Variants in HDLBP observed in about 807,000 individuals in gnomAD.
HDLBP encodes the protein high density lipoprotein binding protein.
In HDLBP, 30 loss-of-function variants were observed where a neutral mutation model predicts 137.3. The ratio of observed to expected loss-of-function variants is 0.22; its 90% CI spans 0.16 to 0.30. The LOEUF (loss-of-function observed/expected upper bound fraction) is 0.30, where lower values mean the gene tolerates loss of function less well. Among genes scored for constraint, HDLBP ranks in the 10% least tolerant of loss-of-function variants. HDLBP has a pLI of 1.00. For synonymous variants in HDLBP, 606 were observed against 596.0 expected (o/e 1.02, Z -0.24); for missense variants, 1,119 against 1,667.3 (o/e 0.67, Z 5.73).
At chr2:241,288,309 C>T (rs773194962) in intron 1 of HDLBP, among the ~76,000 whole-genome samples, 7 of 152,136 alleles carry the variant, frequency 4.6e-5, no homozygotes, top group Non-Finnish European at 8.8e-5. Context: ...CTATTCAAGC[C>T]TTGGAAACTG....
chr2:241,256,890 C>T (rs2072661179), intron 5 of HDLBP, 84 bp from the exon 6 acceptor site: 3 of 1,186,364 alleles, frequency 2.5e-6, no homozygotes, highest in South Asian at 2.6e-5. Context: ...CTGGCAGAAA[C>T]ACCATCTTTG....
At chr2:241,300,357 C>T (rs1019869250) in intron 1 of HDLBP, among the ~76,000 whole-genome samples, 3 of 152,092 alleles carry the variant, frequency 2.0e-5, no homozygotes, top group Non-Finnish European at 4.4e-5. Flanking sequence ...GAGTAACCCA[C>T]GACATGTAAC....
At chr2:241,293,527 G>A (rs751041608) in intron 1 of HDLBP, among the ~76,000 whole-genome samples, 11 of 151,466 alleles carry the variant, frequency 7.3e-5, no homozygotes, top group Non-Finnish European at 1.5e-4. Flanking sequence ...CAGGAAGATC[G>A]CCTGAGCCCA....
intron 5 of HDLBP, 126 bp downstream of exon 5, chr2:241,262,585 C>T: frequency 1.5e-6 from 1 of 674,686 alleles, no homozygotes; most frequent in Non-Finnish European, 2.6e-6. Flanking sequence ...TGTTGCTGTC[C>T]TACCTCCAAA....
At chr2:241,309,194 C>T (rs2075684576) in intron 1 of HDLBP, among the ~76,000 whole-genome samples, 1 of 152,150 alleles carries the variant, frequency 6.6e-6, no homozygotes, top group Non-Finnish European at 1.5e-5. Flanking sequence ...CTTTATTTTC[C>T]TCCTTTCTTC....
At chr2:241,242,367 A>C (rs1414314467) in intron 17 of HDLBP, 93 bp downstream of exon 17, 1 of 1,056,054 alleles carries the variant, frequency 9.5e-7, no homozygotes, top group Non-Finnish European at 1.4e-6. Context: ...GCCACAAAGG[A>C]AGGGCATTCA....
At chr2:241,284,987 T>G (rs2074750153) in intron 1 of HDLBP, among the ~76,000 whole-genome samples, 1 of 152,196 alleles carries the variant, frequency 6.6e-6, no homozygotes, top group Non-Finnish European at 1.5e-5. Flanking sequence ...TTCAAGTGAC[T>G]CTCCCGCCTC....
Position 241,312,477 on chromosome 2 carries a change from G to A in HDLBP, c.-103+3093C>T, listed in dbSNP as rs564467073. ...TTTTCTTGGTTTCCAGATGTTGAAC[G>A]TTGTGGTGCTTTTACAATTGAAGAG... On this transcript the variant is annotated intron_variant, in intron 1 of 27. Transcript: ENST00000310931. Among the ~76,000 whole-genome samples, 6 of 152,306 alleles carry A rather than the reference G, an allele frequency of 3.9e-5. No homozygotes were observed. In the South Asian group the frequency reaches 8.3e-4, roughly 21 times the overall value.
At chr2:241,248,161 C>T in intron 13 of HDLBP, 45 bp from the exon 14 acceptor site, 1 of 1,554,774 alleles carries the variant, frequency 6.4e-7, no homozygotes, top group Non-Finnish European at 8.9e-7. Context: ...TGAGGAAGGA[C>T]ATATATCCCA....
rs1246381087 is a variant in HDLBP, at chr2:241,229,235, C to T, written c.*366G>A. The T allele has an allele frequency of 8.4e-6, 2 of 237,152 alleles. No individual in the cohort carries two copies. Among genetic ancestry groups the T allele is most frequent in the South Asian group, 4.9e-5 (1 of 20,262 alleles). The allele number at this position is 237,152 out of a possible 1,614,324, so 14.7% of individuals were successfully genotyped here. On this transcript the variant is annotated 3_prime_UTR_variant, in exon 28 of 28. Coordinates refer to ENST00000310931, the MANE Select transcript of HDLBP (RefSeq NM_005336.6). ...CGTTTGGCTTTTATAAAGTCAAGGACGTTTATTTCCTGAGGTCATGACACA... is the reference window on the plus strand; with the variant it reads ...CGTTTGGCTTTTATAAAGTCAAGGATGTTTATTTCCTGAGGTCATGACACA...
intron 10 of HDLBP, 120 bp downstream of exon 10, chr2:241,253,273 C>A: frequency 1.3e-6 from 1 of 786,234 alleles, no homozygotes; most frequent in South Asian, 1.4e-5. Context: ...ACTCACCCAG[C>A]TAGGATGCCC....
At chr2:241,267,641 A>G in intron 2 of HDLBP, 2 of 1,535,738 alleles carry the variant, frequency 1.3e-6, no homozygotes, top group Non-Finnish European at 1.7e-6. Context: ...TCTCTCTGCA[A>G]GGTGCATCCA....
At chr2:241,255,231 C>T (rs2149481040) in intron 8 of HDLBP, 73 bp from the exon 9 acceptor site, 2 of 1,498,010 alleles carry the variant, frequency 1.3e-6, no homozygotes. Context: ...AGGCTGCTCA[C>T]CTGGGGCTCA....
chr2:241,307,720 C>A (rs1425560723), intron 1 of HDLBP, among the ~76,000 whole-genome samples: 1 of 152,138 alleles, frequency 6.6e-6, no homozygotes, highest in Non-Finnish European at 1.5e-5. Flanking sequence ...TACATGCATT[C>A]TTTCACCATC....
chr2:241,311,699 T>C (rs73116334), intron 1 of HDLBP, among the ~76,000 whole-genome samples: 1 of 152,098 alleles, frequency 6.6e-6, no homozygotes, highest in Non-Finnish European at 1.5e-5. Flanking sequence ...CAAATAAGAC[T>C]TGTAATAACC....
chr2:241,229,377 C>A lies in HDLBP; in HGVS notation c.*224G>T. On this transcript the variant is annotated 3_prime_UTR_variant, in exon 28 of 28. Coordinates refer to ENST00000310931, the MANE Select transcript of HDLBP (RefSeq NM_005336.6). ...TTATCTTAGCACGAATGCTCATGAC[C>A]TTGGTTTAGTGTTAAACAGTGGAGC... 2.1e-6 allele frequency: 1 copy of A among 484,408 alleles called. No homozygotes were observed. 30.0% of individuals were successfully genotyped at this position (484,408 alleles called of 1,614,324 possible). A position where few individuals can be genotyped will look rare whatever the true frequency, so the allele number is the denominator to read the frequency against.
At chr2:241,304,212 A>G (rs2075493836) in intron 1 of HDLBP, among the ~76,000 whole-genome samples, 1 of 152,246 alleles carries the variant, frequency 6.6e-6, no homozygotes, top group African/African-American at 2.4e-5. Context: ...TGCCATGATC[A>G]AGTTACTCTG....
Position 241,239,546 on chromosome 2 carries a change from T to G in HDLBP, c.2610+56A>C. The G allele has an allele frequency of 6.9e-6, 10 of 1,440,382 alleles. No homozygotes were observed. The South Asian group carries it at 1.2e-4, about 17-fold the overall frequency. 89.2% of individuals were successfully genotyped at this position (1,440,382 alleles called of 1,614,324 possible). On this transcript the variant is annotated intron_variant, in intron 19 of 27. Coordinates refer to ENST00000310931, the MANE Select transcript of HDLBP (RefSeq NM_005336.6). This position sits in a 1 kb window ranked among gnomAD's most constrained non-coding sequence, Gnocchi z 4.6. ...GGTGGAGCGAACACTCATACACGGC[T>G]TCGGTGAGTGGCCACTGGGGGGTGA...
intron 3 of HDLBP, among the ~76,000 whole-genome samples, chr2:241,265,347 G>A (rs2149534794): frequency 6.6e-6 from 1 of 152,284 alleles, no homozygotes; most frequent in East Asian, 1.9e-4. Flanking sequence ...GAACCCGGGA[G>A]GCAGAGGTTG....
Sources: gnomAD v4.1 joint callset for allele counts (sites outside exome capture counted in the v4.1 genomes callset) on GRCh38, gnomAD v4.1.1 for gene constraint, Gnocchi (gnomAD v3.1) non-coding constraint, MANE v1.5 for transcripts, NCBI Gene and HGNC (gene_info 2026-07-23, HGNC 2026-07-21) for gene names.